MLIP: variants seen among roughly 807,000 people sequenced by gnomAD.
MLIP encodes muscular LMNA interacting protein.
MLIP carries 79 observed loss-of-function variants against 84.8 expected under a neutral mutation model. The ratio of observed to expected loss-of-function variants is 0.93; its 90% CI spans 0.78 to 1.12. The LOEUF is 1.12. Ranked by LOEUF, MLIP falls within the 50% of genes most tolerant of loss-of-function variation. MLIP has a pLI of 0.00. For missense variants in MLIP, 1,257 were observed against 1,160.6 expected, an observed-to-expected ratio of 1.08 and a Z score of -1.21; for synonymous variants, 504 against 463.0, an observed-to-expected ratio of 1.09 and a Z score of -1.14.
intron 11 of MLIP, chr6:54,217,134 A>G: frequency 1.0e-6 from 1 of 985,394 alleles, no homozygotes; most frequent in East Asian, 1.1e-4. Flanking sequence ...GGCTCCAGTA[A>G]TTTTACCTAT....
At chr6:54,024,259 A>C (rs1164402419) in intron 1 of MLIP, among the ~76,000 whole-genome samples, 1 of 152,130 alleles carries the variant, frequency 6.6e-6, no homozygotes, top group Non-Finnish European at 1.5e-5. Context: ...TAATTCGCCC[A>C]CCTTAGCCTC....
At chr6:54,051,601 C>T (rs556463897) in intron 1 of MLIP, among the ~76,000 whole-genome samples, 1 of 152,046 alleles carries the variant, frequency 6.6e-6, no homozygotes, top group South Asian at 2.1e-4. Context: ...ATATTGTAGA[C>T]AATTTTAGGG....
intron 9 of MLIP, among the ~76,000 whole-genome samples, chr6:54,181,090 C>T (rs1021625765): frequency 6.6e-6 from 1 of 152,136 alleles, no homozygotes; most frequent in Non-Finnish European, 1.5e-5. Flanking sequence ...TGCATGCACC[C>T]CTGTGGCAAG....
intron 1 of MLIP, among the ~76,000 whole-genome samples, chr6:54,080,959 C>A (rs1336883784): frequency 6.6e-6 from 1 of 152,038 alleles, no homozygotes; most frequent in Non-Finnish European, 1.5e-5. Flanking sequence ...CCCTCACCAT[C>A]CTCACCCTGA....
intron 1 of MLIP, among the ~76,000 whole-genome samples, chr6:54,086,442 TC>T (rs1246645669): frequency 6.6e-6 from 1 of 152,188 alleles, no homozygotes. Context: ...AAATTTGGAA[TC>T]AGCCATTTCT....
chr6:54,261,610 G>C, intron 13 of MLIP: 1 of 985,076 alleles, frequency 1.0e-6, no homozygotes, highest in South Asian at 4.7e-5. Flanking sequence ...TAAGCTTTCT[G>C]AGTTTATTTT....
rs1014009635 is a variant in MLIP at position 54,138,002 on chromosome 6, CCT to C, written c.1934_1935del (p.Pro645ArgfsTer5). On this transcript the variant is annotated frameshift_variant, in exon 4 of 14. Coordinates refer to ENST00000502396, the MANE Select transcript of MLIP (RefSeq NM_001281747.2). LOFTEE classifies it high-confidence loss of function. ...GAATCCTTCAGCTCTTCCTTCACTC[CCT>C]GTCTCCAGTGCTGACTTTGCCTCTC... is the stretch of plus-strand genomic sequence containing the variant. ...ELNPSALPSLPVSSADFASLP... is the reference protein window; with the variant it reads ...ELNPSALPSLXVSSADFASLP... 1.0e-5 allele frequency: 16 copies of C among 1,536,130 alleles called. No individual in the cohort carries two copies. The highest frequency in any genetic ancestry group is 1.3e-5 in the Non-Finnish European group (15 of 1,146,888).
intron 1 of MLIP, among the ~76,000 whole-genome samples, chr6:54,036,607 GC>G (rs1360214124): frequency 6.6e-6 from 1 of 151,948 alleles, no homozygotes; most frequent in Non-Finnish European, 1.5e-5. Flanking sequence ...AGACAATGTG[GC>G]AAAAGGAAAC....
chr6:54,055,511 C>A (rs1453646771), intron 1 of MLIP, among the ~76,000 whole-genome samples: 1 of 152,036 alleles, frequency 6.6e-6, no homozygotes, highest in Non-Finnish European at 1.5e-5. Context: ...TCAGAAAAAA[C>A]TACATTGAAG....
Position 54,047,767 on chromosome 6 carries a change from T to C in MLIP, c.63+28676T>C, listed in dbSNP as rs542733297. 2.0e-5 allele frequency among the ~76,000 whole-genome samples: 3 copies of C among 152,354 alleles called. No individual in the cohort carries two copies. In the South Asian group the frequency reaches 6.2e-4, roughly 32 times the overall value. On this transcript the variant is annotated intron_variant, in intron 1 of 12. Transcript: ENST00000274897. ...GCTAGAATGTGTTAAGAGTTTACTC[T>C]GTGACAGTTACTGTGCTATGCACAT...
rs189589274 is a variant in MLIP, at chr6:54,172,603, G to A, written c.2544+3031G>A. ...TTGCTAGTTTTCTGTGTATTCATAG[G>A]TTTTCCAGTTTTCCTGGGATAATTA... On this transcript the variant is annotated intron_variant, in intron 9 of 13. Coordinates refer to ENST00000502396, the MANE Select transcript of MLIP (RefSeq NM_001281747.2). Among the ~76,000 whole-genome samples, 26 of 151,376 alleles carry A rather than the reference G, an allele frequency of 1.7e-4. No homozygotes were observed. In the East Asian group the frequency reaches 2.9e-3, roughly 17 times the overall value.
At chr6:54,159,984 G>A in intron 5 of MLIP, among the ~76,000 whole-genome samples, 1 of 152,002 alleles carries the variant, frequency 6.6e-6, no homozygotes, top group East Asian at 1.9e-4. Context: ...GAGATATATA[G>A]ACCAATGGAA....
rs1299804972 is a variant in MLIP, at chr6:54,111,574, A to G, written c.95A>G (p.Gln32Arg). 6.5e-7 allele frequency: 1 copy of G among 1,536,010 alleles called. No individual in the cohort carries two copies. Among genetic ancestry groups the G allele is most frequent in the Admixed American group, 2.0e-5 (1 of 50,994 alleles). ...ILSGSIQTTP[Q>R]VSAGGSEAKP... ...TCAGGGAGCATTCAGACCACACCCC[A>G]GGTAAAAGGAAGTCTTTGCTTAATG... The change falls in exon 1 of 14, where the codon CAG (glutamine) becomes CGG (arginine). Residue 32 changes from glutamine to arginine, a missense_variant and splice_region_variant. Gln to Arg is a conservative substitution (Grantham distance 43, BLOSUM62 1). Coordinates refer to ENST00000502396, the MANE Select transcript of MLIP (RefSeq NM_001281747.2).
At chr6:54,040,336 T>C (rs1764672188) in intron 1 of MLIP, among the ~76,000 whole-genome samples, 1 of 151,072 alleles carries the variant, frequency 6.6e-6, no homozygotes, top group Admixed American at 6.6e-5. Context: ...AATGAAAGAG[T>C]AGAAATTTTT....
At chr6:54,184,529 C>A (rs1777201944) in intron 9 of MLIP, among the ~76,000 whole-genome samples, 1 of 152,130 alleles carries the variant, frequency 6.6e-6, no homozygotes, top group African/African-American at 2.4e-5. Context: ...TCTTTGTTTG[C>A]CTTTGGCATC....
intron 12 of MLIP, among the ~76,000 whole-genome samples, chr6:54,252,505 A>G (rs1440209713): frequency 2.8e-5 from 4 of 142,220 alleles, no homozygotes; most frequent in African/African-American, 5.2e-5. Flanking sequence ...TAAATATAAT[A>G]TATTATAACA....
intron 11 of MLIP, among the ~76,000 whole-genome samples, chr6:54,229,730 A>G (rs1419508441): frequency 2.0e-5 from 3 of 152,186 alleles, no homozygotes; most frequent in Non-Finnish European, 4.4e-5. Context: ...ATAGTATTCC[A>G]TGGTGTATAT....
intron 11 of MLIP, among the ~76,000 whole-genome samples, chr6:54,230,328 T>C (rs1042931801): frequency 2.0e-5 from 3 of 152,162 alleles, no homozygotes; most frequent in Non-Finnish European, 4.4e-5. Context: ...ATCACAAGCA[T>C]CTTTAAATTA....
At chr6:54,249,995 G>A (rs1782357326) in intron 12 of MLIP, among the ~76,000 whole-genome samples, 1 of 151,772 alleles carries the variant, frequency 6.6e-6, no homozygotes, top group Non-Finnish European at 1.5e-5. Flanking sequence ...CCTTTTATGT[G>A]TCCATGTGCT....
Sources: allele counts gnomAD v4.1 joint callset (sites outside exome capture counted in the v4.1 genomes callset), GRCh38; gene constraint gnomAD v4.1.1; transcripts MANE v1.5; gene names NCBI Gene and HGNC (gene_info 2026-07-23, HGNC 2026-07-21).